Variants in NCBP1 observed in about 807,000 individuals in gnomAD.
NCBP1 encodes the protein nuclear cap binding protein subunit 1.
NCBP1 carries 16 observed loss-of-function variants against 111.7 expected under a neutral mutation model. That is an observed-to-expected ratio of 0.14 (90% CI 0.10 to 0.22). The LOEUF (loss-of-function observed/expected upper bound fraction) is 0.22, where lower values mean the gene tolerates loss of function less well. Ranked by LOEUF, NCBP1 falls within the 10% of genes least tolerant of loss-of-function variation. The pLI is 1.00. For synonymous variants in NCBP1, 304 were observed against 314.3 expected, an observed-to-expected ratio of 0.97 and a Z score of 0.35; for missense variants, 607 against 957.5, an observed-to-expected ratio of 0.63 and a Z score of 4.83.
intron 18 of NCBP1, among the ~76,000 whole-genome samples, chr9:97,663,992 A>G (rs1292657835): frequency 6.6e-6 from 1 of 151,736 alleles, no homozygotes; most frequent in African/African-American, 2.4e-5. Context: ...CAGCCTAGGC[A>G]ATACAGTGAA....
chr9:97,659,983 C>T (rs1035048001), intron 15 of NCBP1, among the ~76,000 whole-genome samples: 43 of 152,186 alleles, frequency 2.8e-4, no homozygotes, highest in Non-Finnish European at 2.8e-4. Flanking sequence ...TTTCTAGCTC[C>T]ACTTCCTTTT....
At chr9:97,668,511 A>G (rs1421994948) in intron 20 of NCBP1, among the ~76,000 whole-genome samples, 2 of 152,174 alleles carry the variant, frequency 1.3e-5, no homozygotes, top group Non-Finnish European at 2.9e-5. Context: ...TTAGCAGATG[A>G]ATGATTAGCA....
intron 21 of NCBP1, among the ~76,000 whole-genome samples, chr9:97,669,183 C>T (rs934310909): frequency 3.3e-5 from 5 of 151,670 alleles, no homozygotes; most frequent in East Asian, 3.9e-4. Flanking sequence ...TTAGTATTCT[C>T]GCATGAGCAT....
chr9:97,668,480 C>A (rs1036184403), intron 20 of NCBP1, among the ~76,000 whole-genome samples: 5 of 152,066 alleles, frequency 3.3e-5, no homozygotes, highest in African/African-American at 1.2e-4. Flanking sequence ...TAGGACTTGC[C>A]CAGTTTTTCT....
chr9:97,655,689 C>T lies in NCBP1; in HGVS notation c.1236-13C>T. 1 of 1,602,396 alleles carries T rather than the reference C, an allele frequency of 6.2e-7. No homozygotes were observed. The highest frequency in any genetic ancestry group is 8.5e-7 in the Non-Finnish European group (1 of 1,174,330). ...TTCCTTTTTCTCTGCCTACCTCCCC[C>T]TTCTCTACGTAGGTTTATTAATTGG... On this transcript the variant is annotated splice_polypyrimidine_tract_variant and intron_variant, in intron 12 of 22. Transcript: ENST00000375147.
intron 1 of NCBP1, among the ~76,000 whole-genome samples, chr9:97,635,331 ATAAC>A (rs748432172): frequency 1.1e-4 from 16 of 152,156 alleles, no homozygotes; most frequent in Admixed American, 1.3e-4. Flanking sequence ...TATAAATTAA[ATAAC>A]TATGCTGCGT....
At chr9:97,666,630 G>A (rs1450986858) in intron 19 of NCBP1, 133 bp from the exon 20 acceptor site, 5 of 571,022 alleles carry the variant, frequency 8.8e-6, no homozygotes, top group African/African-American at 1.9e-5. Context: ...TATTGCTGGA[G>A]AAAGATGACT....
intron 2 of NCBP1, 136 bp from the exon 3 acceptor site, chr9:97,641,426 G>T: frequency 1.6e-6 from 1 of 625,634 alleles, no homozygotes; most frequent in East Asian, 4.6e-5. Context: ...AATAGCAATT[G>T]AAAGGACAGA....
chr9:97,657,516 G>C (rs150067644), intron 14 of NCBP1, among the ~76,000 whole-genome samples: 192 of 152,172 alleles, frequency 1.3e-3, no homozygotes, highest in African/African-American at 4.1e-3. Flanking sequence ...TGATCCACCT[G>C]GTCATGTCAA....
chr9:97,668,740 A>G (rs1464014840), intron 20 of NCBP1, 106 bp from the exon 21 acceptor site: 2 of 1,283,964 alleles, frequency 1.6e-6, no homozygotes, highest in South Asian at 1.6e-5. Flanking sequence ...ACTATAGAAT[A>G]TAAGTCTTAA....
intron 18 of NCBP1, among the ~76,000 whole-genome samples, 170 bp from the exon 19 acceptor site, chr9:97,664,170 C>G (rs1336529258): frequency 2.6e-5 from 4 of 151,996 alleles, no homozygotes; most frequent in African/African-American, 9.7e-5. Context: ...CAGAGCAACT[C>G]TGTCTCCCAA....
At position 97,673,295 on chromosome 9, in the gene NCBP1, C is replaced by A. The variant is rs1828251684; in HGVS notation, c.*2096C>A. ...TCAGCATCCCTAACCCCATGTTGTTCAAGGGTCAACTGTAGTTTAAAATGA... is the reference window on the plus strand; with the variant it reads ...TCAGCATCCCTAACCCCATGTTGTTAAAGGGTCAACTGTAGTTTAAAATGA... On this transcript the variant is annotated 3_prime_UTR_variant, in exon 23 of 23. Transcript: ENST00000375147. 1 of 152,048 alleles carries A rather than the reference C, an allele frequency of 6.6e-6. No homozygotes were observed. The highest frequency in any genetic ancestry group is 2.4e-5 in the African/African-American group (1 of 41,370). The allele number at this position is 152,048 out of a possible 1,614,324, so 9.4% of individuals were successfully genotyped here.
intron 14 of NCBP1, 104 bp downstream of exon 14, chr9:97,656,189 C>A: frequency 1.1e-6 from 1 of 930,624 alleles, no homozygotes. Context: ...AATCCACTTA[C>A]TCATCTTCCA....
At chr9:97,655,677 G>T in intron 12 of NCBP1, 25 bp from the exon 13 acceptor site, 1 of 1,578,114 alleles carries the variant, frequency 6.3e-7, no homozygotes, top group African/African-American at 1.4e-5. Context: ...CTTTTTCTCT[G>T]CCTACCTCCC....
chr9:97,638,171 TA>T (rs1827105335), intron 1 of NCBP1, among the ~76,000 whole-genome samples: 1 of 152,208 alleles, frequency 6.6e-6, no homozygotes, highest in Admixed American at 6.5e-5. Context: ...TTTCTGTTCG[TA>T]AGTTCAGATT....
rs761774774 is a variant in NCBP1 at position 97,658,654 on chromosome 9, A to G, written c.1388A>G (p.Gln463Arg). The G allele has an allele frequency of 1.2e-6, 2 of 1,610,934 alleles. No homozygotes were observed. The highest frequency in any genetic ancestry group is 1.7e-6 in the Non-Finnish European group (2 of 1,177,336). Residue 463 changes from glutamine (Q) to arginine (R), a missense_variant, in exon 15 of 23, where the codon CAG becomes CGG. Gln to Arg is a conservative substitution (Grantham distance 43, BLOSUM62 1). This residue lies in a region of NCBP1 where 282 missense variants were observed against 376.5 expected (regional missense o/e 0.75). Coordinates refer to ENST00000375147, the MANE Select transcript of NCBP1 (RefSeq NM_002486.5). Reference protein sequence around the residue: ...LEKCMRLSYHQRILDIVPPTF... With the variant: ...LEKCMRLSYHRRILDIVPPTF... Reference sequence around the variant, plus strand: ...TTGTATTGTAGGTTGTCTTACCATCAGCGTATATTAGATATTGTTCCTCCT... The same window carrying G: ...TTGTATTGTAGGTTGTCTTACCATCGGCGTATATTAGATATTGTTCCTCCT...
At position 97,651,657 on chromosome 9, in the gene NCBP1, A is replaced by T. The variant is rs116907669; in HGVS notation, c.1059+284A>T. On this transcript the variant is annotated intron_variant, in intron 10 of 22. Transcript: ENST00000375147. ...ATGGATAGTTGTTGTGGATAATGTA[A>T]GTTACCTCTAGCTCTGTCAATACAT... Among the ~76,000 whole-genome samples the T allele has an allele frequency of 1.7e-3, 259 of 152,314 alleles. 9 individuals are homozygous for T. The East Asian group carries it at 0.033, about 19-fold the overall frequency.
chr9:97,635,612 G>A (rs938839391), intron 1 of NCBP1, among the ~76,000 whole-genome samples: 21 of 151,838 alleles, frequency 1.4e-4, no homozygotes, highest in African/African-American at 4.8e-4. Context: ...TGTAGAGACG[G>A]GGTTTCGCCA....
At chr9:97,639,162 T>C (rs1042468718) in intron 1 of NCBP1, among the ~76,000 whole-genome samples, 5 of 152,154 alleles carry the variant, frequency 3.3e-5, no homozygotes, top group African/African-American at 4.8e-5. Flanking sequence ...GCTGCATGCG[T>C]ATTATACTTT....
Sources: allele counts gnomAD v4.1 joint callset (sites outside exome capture counted in the v4.1 genomes callset), GRCh38; gene constraint gnomAD v4.1.1; regional missense constraint gnomAD v4.1.1; transcripts MANE v1.5; gene names NCBI Gene and HGNC (gene_info 2026-07-23, HGNC 2026-07-21).